The following CTNNA3 variants were observed in gnomAD, a reference collection of about 807,000 sequenced individuals.
CTNNA3 encodes the protein catenin alpha-3.
Under a neutral mutation model 95.7 loss-of-function variants are expected in CTNNA3, and 76 were observed. The ratio of observed to expected loss-of-function variants is 0.79; its 90% confidence interval spans 0.66 to 0.96. CTNNA3 has a LOEUF of 0.96. Ranked by LOEUF, CTNNA3 falls within the 40% of genes least tolerant of loss-of-function variation. CTNNA3 has a pLI of 0.00. For missense variants in CTNNA3, 1,191 were observed against 1,089.8 expected, an observed-to-expected ratio of 1.09 and a Z score of -1.31; for synonymous variants, 431 against 374.4, an observed-to-expected ratio of 1.15 and a Z score of -1.74.
intron 11 of CTNNA3, among the ~76,000 whole-genome samples, chr10:66,493,597 G>GTTTTTTTTTTTTTTTTTTT (rs1589329310): frequency 8.4e-6 from 1 of 119,560 alleles, no homozygotes; most frequent in African/African-American, 4.2e-5. Flanking sequence ...TTTAACTACA[G>GTTTTTTTTTTTTTTTTTTT]TATTTTTTTT....
intron 5 of CTNNA3, among the ~76,000 whole-genome samples, chr10:67,272,563 A>T (rs1839027416): frequency 6.6e-6 from 1 of 152,288 alleles, no homozygotes; most frequent in Admixed American, 6.5e-5. Flanking sequence ...AAAAAATAAT[A>T]ATAAATAAAT....
rs1282541599 is a variant in CTNNA3 at position 67,133,350 on chromosome 10, G to GATAC, written c.1047+46963_1047+46966dup. 8.4e-3 allele frequency among the ~76,000 whole-genome samples: 491 copies of GATAC among 58,800 alleles called. 1 individual carries two copies. The highest frequency in any genetic ancestry group is 0.012 in the Middle Eastern group (1 of 82). The allele number at this position is 58,800 out of a possible 152,430, so 38.6% of individuals were successfully genotyped here. A position where few individuals can be genotyped will look rare whatever the true frequency, so the allele number is the denominator to read the frequency against. ...TTATACACACACACACACAATGGTA[G>GATAC]ATACATACATACATACATATATATA... On this transcript the variant is annotated intron_variant, in intron 7 of 17. Transcript: ENST00000433211.
intron 2 of CTNNA3, among the ~76,000 whole-genome samples, chr10:67,627,805 T>A (rs890627072): frequency 2.6e-5 from 4 of 151,828 alleles, no homozygotes; most frequent in Admixed American, 1.3e-4. Context: ...ACTTCCTAGG[T>A]TTTCAGTAGA....
At chr10:66,898,742 T>C (rs1163874922) in intron 7 of CTNNA3, among the ~76,000 whole-genome samples, 2 of 152,124 alleles carry the variant, frequency 1.3e-5, no homozygotes, top group African/African-American at 2.4e-5. Context: ...AATCTGGCAA[T>C]GTAAAACTCC....
intron 12 of CTNNA3, among the ~76,000 whole-genome samples, chr10:66,320,472 T>G (rs2092165872): frequency 6.6e-6 from 1 of 152,108 alleles, no homozygotes; most frequent in Admixed American, 6.6e-5. Context: ...AAACTGAATG[T>G]GAATCTTACA....
chr10:66,760,141 T>C (rs954648232), intron 9 of CTNNA3, among the ~76,000 whole-genome samples: 2 of 152,174 alleles, frequency 1.3e-5, no homozygotes, highest in Non-Finnish European at 1.5e-5. Flanking sequence ...TAGAATCAAT[T>C]GTTAAAGGTT....
intron 7 of CTNNA3, among the ~76,000 whole-genome samples, chr10:67,122,086 T>C (rs1859496100): frequency 6.6e-6 from 1 of 150,572 alleles, no homozygotes; most frequent in Non-Finnish European, 1.5e-5. Context: ...GAGATTCAGT[T>C]GGGATGAGGA....
At chr10:66,926,769 C>G in intron 7 of CTNNA3, 1 of 945,898 alleles carries the variant, frequency 1.1e-6, no homozygotes, top group Non-Finnish European at 1.5e-6. Context: ...ACACTAAAGA[C>G]AATTCTCTTT....
intron 1 of CTNNA3, among the ~76,000 whole-genome samples, chr10:67,682,188 G>A (rs981877766): frequency 4.6e-5 from 7 of 151,502 alleles, no homozygotes; most frequent in East Asian, 1.9e-4. Context: ...TTAGCCCAGC[G>A]TGGTGGTGGG....
chr10:66,984,932 C>T (rs1850643045), intron 7 of CTNNA3, among the ~76,000 whole-genome samples: 1 of 151,934 alleles, frequency 6.6e-6, no homozygotes, highest in African/African-American at 2.4e-5. Context: ...AACATTAATT[C>T]AAGGTAGGCA....
intron 5 of CTNNA3, among the ~76,000 whole-genome samples, chr10:67,406,038 G>A (rs886629676): frequency 4.6e-5 from 7 of 152,154 alleles, no homozygotes; most frequent in Non-Finnish European, 8.8e-5. Context: ...CCTCCATGCT[G>A]TTCTCATAAT....
At chr10:67,540,647 C>A (rs1840656641) in intron 3 of CTNNA3, among the ~76,000 whole-genome samples, 1 of 151,606 alleles carries the variant, frequency 6.6e-6, no homozygotes, top group African/African-American at 2.4e-5. Flanking sequence ...TGAATATATT[C>A]ATATACATTC....
At chr10:67,102,433 G>A (rs1461870173) in intron 7 of CTNNA3, among the ~76,000 whole-genome samples, 1 of 151,680 alleles carries the variant, frequency 6.6e-6, no homozygotes, top group African/African-American at 2.4e-5. Flanking sequence ...GAGATAGGAG[G>A]CAACTTATAT....
At chr10:67,604,012 A>T (rs114483559) in intron 3 of CTNNA3, among the ~76,000 whole-genome samples, 2 of 152,066 alleles carry the variant, frequency 1.3e-5, no homozygotes, top group African/African-American at 4.8e-5. Context: ...TTCTATGTTT[A>T]GATATACAAA....
intron 7 of CTNNA3, among the ~76,000 whole-genome samples, chr10:67,086,851 T>C (rs1857340374): frequency 6.6e-6 from 1 of 152,038 alleles, no homozygotes; most frequent in Non-Finnish European, 1.5e-5. Flanking sequence ...GTAATTTTCA[T>C]TCTGCCATAC....
intron 7 of CTNNA3, among the ~76,000 whole-genome samples, chr10:66,801,987 T>C (rs1589270562): frequency 6.6e-6 from 1 of 151,628 alleles, no homozygotes; most frequent in Admixed American, 6.6e-5. Flanking sequence ...TTCAGAGAAA[T>C]TAATAGGAAA....
intron 5 of CTNNA3, among the ~76,000 whole-genome samples, chr10:67,337,936 C>T (rs901388858): frequency 9.9e-5 from 15 of 152,058 alleles, no homozygotes; most frequent in South Asian, 4.1e-4. Context: ...AAAATTTGAG[C>T]GACACTTTAT....
intron 7 of CTNNA3, among the ~76,000 whole-genome samples, chr10:66,893,557 C>T (rs1397874240): frequency 6.6e-6 from 1 of 151,314 alleles, no homozygotes; most frequent in African/African-American, 2.4e-5. Context: ...AAAAAAAAAC[C>T]CATTTAATTA....
At chr10:67,452,178 T>G (rs1301971966) in intron 5 of CTNNA3, among the ~76,000 whole-genome samples, 1 of 152,102 alleles carries the variant, frequency 6.6e-6, no homozygotes, top group Non-Finnish European at 1.5e-5. Flanking sequence ...TTCCAGGGCG[T>G]TGTTAATTTA....
Sources: gnomAD v4.1 joint callset for allele counts (sites outside exome capture counted in the v4.1 genomes callset) on GRCh38, gnomAD v4.1.1 for gene constraint, MANE v1.5 for transcripts, NCBI Gene and HGNC (gene_info 2026-07-23, HGNC 2026-07-21) for gene names.